MEIOSIN: variants seen among roughly 807,000 people sequenced by gnomAD.
The protein encoded by MEIOSIN is meiosis initiator protein.
A neutral mutation model predicts 23.4 loss-of-function variants in MEIOSIN; 18 were observed. That is an observed-to-expected ratio of 0.77 (90% confidence interval 0.53 to 1.14). The LOEUF is 1.14. Among genes scored for constraint, MEIOSIN ranks in the 50% most tolerant of loss-of-function variants. MEIOSIN has a pLI of 0.00. For synonymous variants in MEIOSIN, 187 were observed against 100.6 expected (o/e 1.86, Z -5.14); for missense variants, 428 against 242.9 (o/e 1.76, Z -5.07).
intron 3 of MEIOSIN, among the ~76,000 whole-genome samples, chr19:45,739,940 A>G (rs1263956718): frequency 1.3e-5 from 2 of 151,518 alleles, no homozygotes; most frequent in African/African-American, 4.8e-5. Flanking sequence ...CTCTGCCTCT[A>G]GGGTTTAAGT....
intron 5 of MEIOSIN, among the ~76,000 whole-genome samples, chr19:45,753,278 A>G (rs1968751550): frequency 6.6e-6 from 1 of 152,190 alleles, no homozygotes; most frequent in Non-Finnish European, 1.5e-5. Context: ...TCGAGAGGCC[A>G]GAGGGAAAGG....
At chr19:45,748,820 G>C (rs549732662) in intron 4 of MEIOSIN, among the ~76,000 whole-genome samples, 15 of 152,256 alleles carry the variant, frequency 9.9e-5, no homozygotes, top group African/African-American at 3.6e-4. Context: ...TGTAATCCCA[G>C]CACTTTGGGA....
chr19:45,734,969 G>C (rs1380270314), intron 1 of MEIOSIN, among the ~76,000 whole-genome samples: 1 of 151,602 alleles, frequency 6.6e-6, no homozygotes, highest in African/African-American at 2.4e-5. Flanking sequence ...TCCTGGCTCA[G>C]TGCAACCTCC....
intron 5 of MEIOSIN, among the ~76,000 whole-genome samples, chr19:45,751,792 G>A (rs568583409): frequency 1.5e-4 from 23 of 151,004 alleles, no homozygotes; most frequent in African/African-American, 5.4e-4. Context: ...GTGCAGTGGC[G>A]TGATCTTGGC....
At chr19:45,757,508 G>A (rs920012256) in intron 9 of MEIOSIN, among the ~76,000 whole-genome samples, 1 of 152,100 alleles carries the variant, frequency 6.6e-6, no homozygotes, top group Non-Finnish European at 1.5e-5. Context: ...GAATCATTCT[G>A]GGTCTTTTTG....
intron 11 of MEIOSIN, 123 bp from the exon 12 acceptor site, chr19:45,761,556 C>T (rs2146200598): frequency 1.7e-6 from 1 of 583,384 alleles, no homozygotes; most frequent in East Asian, 2.9e-5. Context: ...AGGCGTAAGC[C>T]ACCACACCCT....
intron 7 of MEIOSIN, 84 bp downstream of exon 7, chr19:45,754,808 C>T (rs1281339328): frequency 1.0e-5 from 7 of 671,890 alleles, no homozygotes; most frequent in Non-Finnish European, 1.4e-5. Context: ...ACACAGTACC[C>T]GTAGTGGGGG....
rs934347178 is a variant in MEIOSIN, at chr19:45,759,042, C to T, written c.1168+9C>T. The T allele has an allele frequency of 1.4e-6, 1 of 702,928 alleles. No homozygotes were observed. Among genetic ancestry groups the T allele is most frequent in the African/African-American group, 1.7e-5 (1 of 57,276 alleles). 43.5% of individuals were successfully genotyped at this position (702,928 alleles called of 1,614,324 possible). On this transcript the variant is annotated intron_variant, in intron 10 of 14. Transcript: ENST00000457052. ...GGAGTACCTGACCCAAGGTGAGGCC[C>T]AGGCCTGGCCCTGATGCTTAGTTCA...
intron 5 of MEIOSIN, among the ~76,000 whole-genome samples, chr19:45,752,947 G>A (rs1200513369): frequency 6.8e-6 from 1 of 147,566 alleles, no homozygotes; most frequent in African/African-American, 2.5e-5. Context: ...TTCTGAGGCG[G>A]AGTCTCGCTC....
intron 5 of MEIOSIN, among the ~76,000 whole-genome samples, chr19:45,751,272 A>AAAAAAT (rs1555783521): frequency 3.7e-5 from 5 of 136,430 alleles, no homozygotes; most frequent in African/African-American, 1.4e-4. Flanking sequence ...ACTGTGTCTC[A>AAAAAAT]AATAATAATA....
chr19:45,749,117 TC>T lies in MEIOSIN; in HGVS notation c.307-1555del, dbSNP rs1968644860. On this transcript the variant is annotated intron_variant, in intron 4 of 14. Coordinates refer to ENST00000457052, the MANE Select transcript of MEIOSIN (RefSeq NM_001310124.2). ...CAGGTGTGGTGGCTCATGCCTGTAA[TC>T]CCAGCACTTTGGGAGGCCAAGGCGG... Among the ~76,000 whole-genome samples, 3 of 150,404 alleles carry T rather than the reference TC, an allele frequency of 2.0e-5. No individual in the cohort carries two copies. In the Admixed American group the frequency reaches 2.0e-4, roughly 10 times the overall value.
At chr19:45,750,460 A>G (rs1428688069) in intron 4 of MEIOSIN, among the ~76,000 whole-genome samples, 1 of 150,878 alleles carries the variant, frequency 6.6e-6, no homozygotes, top group Non-Finnish European at 1.5e-5. Context: ...CACGGGTTCA[A>G]GCAATTCTCC....
At chr19:45,743,555 T>C (rs1968541401) in intron 3 of MEIOSIN, among the ~76,000 whole-genome samples, 1 of 152,140 alleles carries the variant, frequency 6.6e-6, no homozygotes, top group African/African-American at 2.4e-5. Flanking sequence ...AGAGTTTTGT[T>C]CTGTTGCCCA....
At chr19:45,738,119 T>C (rs1415604643) in intron 2 of MEIOSIN, among the ~76,000 whole-genome samples, 1 of 152,126 alleles carries the variant, frequency 6.6e-6, no homozygotes, top group Non-Finnish European at 1.5e-5. Context: ...ATGAATCTTA[T>C]AGAGGGAATT....
At position 45,764,008 on chromosome 19, in the gene MEIOSIN, A is replaced by C. The variant is rs1969005311; in HGVS notation, c.1807A>C (p.Ile603Leu). ...CAGGTTCAGCCGCCAGCACAACCGCATCGTGAAGCAGGACGGCTCCAGCAG... is the reference window on the plus strand; with the variant it reads ...CAGGTTCAGCCGCCAGCACAACCGCCTCGTGAAGCAGGACGGCTCCAGCAG... ...ARRFSRQHNRIVKQDGSSSEA... is the reference protein window; with the variant it reads ...ARRFSRQHNRLVKQDGSSSEA... Residue 603 changes from isoleucine to leucine, a missense_variant, in exon 15 of 15, where the codon ATC becomes CTC. By Grantham distance (5) the Ile-to-Leu change is conservative. Transcript: ENST00000457052. The C allele has an allele frequency of 2.5e-6, 1 of 398,514 alleles. No individual in the cohort carries two copies. Among genetic ancestry groups the C allele is most frequent in the Non-Finnish European group, 4.4e-6 (1 of 226,082 alleles). 24.7% of individuals were successfully genotyped at this position (398,514 alleles called of 1,614,324 possible).
Position 45,747,123 on chromosome 19 carries a change from C to T in MEIOSIN, c.306+1802C>T, listed in dbSNP as rs141240434. ...CAACGTTTCATAAATGACCGGATGGCCACATCTCTTGGAATTCTCCCCAGG... is the reference window on the plus strand; with the variant it reads ...CAACGTTTCATAAATGACCGGATGGTCACATCTCTTGGAATTCTCCCCAGG... On this transcript the variant is annotated intron_variant, in intron 4 of 14. Coordinates refer to ENST00000457052, the MANE Select transcript of MEIOSIN (RefSeq NM_001310124.2). Among the ~76,000 whole-genome samples, 529 of 152,268 alleles carry T rather than the reference C, an allele frequency of 3.5e-3. 6 individuals carry two copies. Among genetic ancestry groups the T allele is most frequent in the African/African-American group, 0.012 (495 of 41,550 alleles).
At chr19:45,738,034 G>T (rs1468248600) in intron 2 of MEIOSIN, among the ~76,000 whole-genome samples, 1 of 152,092 alleles carries the variant, frequency 6.6e-6, no homozygotes, top group Non-Finnish European at 1.5e-5. Flanking sequence ...GGGATTACAG[G>T]CGTGAGCCAC....
At chr19:45,737,331 C>T (rs772808493) in intron 2 of MEIOSIN, among the ~76,000 whole-genome samples, 1 of 152,138 alleles carries the variant, frequency 6.6e-6, no homozygotes, top group East Asian at 1.9e-4. Context: ...AGGCGTGCAC[C>T]ACCACGCCTG....
chr19:45,735,075 G>A (rs1385552384), intron 1 of MEIOSIN, among the ~76,000 whole-genome samples: 1 of 150,664 alleles, frequency 6.6e-6, no homozygotes, highest in Admixed American at 6.6e-5. Context: ...TGTATTTTTA[G>A]TAGAGATGGG....
Sources: gnomAD v4.1 joint callset for allele counts (sites outside exome capture counted in the v4.1 genomes callset) on GRCh38, gnomAD v4.1.1 for gene constraint, MANE v1.5 for transcripts, NCBI Gene and HGNC (gene_info 2026-07-23, HGNC 2026-07-21) for gene names.